MYT1L: variants seen among roughly 807,000 people sequenced by gnomAD.
MYT1L encodes myelin transcription factor 1-like protein.
A neutral mutation model predicts 126.7 loss-of-function variants in MYT1L; 12 were observed. The ratio of observed to expected loss-of-function variants is 0.09; its 90% confidence interval spans 0.06 to 0.15. The LOEUF (loss-of-function observed/expected upper bound fraction) is 0.15. MYT1L is among the 10% of genes least tolerant of loss of function. The pLI is 1.00. For missense variants in MYT1L, 979 were observed against 1,585.2 expected (o/e 0.62, Z 6.49); for synonymous variants, 541 against 604.2 (o/e 0.90, Z 1.53).
intron 2 of MYT1L, among the ~76,000 whole-genome samples, chr2:2,223,121 G>C (rs757498723): frequency 6.6e-6 from 1 of 152,170 alleles, no homozygotes. Context: ...GCTGAGATTC[G>C]AGCCTTGAAT....
At chr2:1,863,898 G>C (rs960149017) in intron 18 of MYT1L, among the ~76,000 whole-genome samples, 2 of 152,198 alleles carry the variant, frequency 1.3e-5, no homozygotes, top group Admixed American at 6.5e-5. Context: ...CTCTCGGGAG[G>C]AGCCTCTAAC....
chr2:2,124,881 G>A (rs751913227), intron 3 of MYT1L, among the ~76,000 whole-genome samples: 31 of 152,136 alleles, frequency 2.0e-4, no homozygotes, highest in Non-Finnish European at 3.1e-4. Flanking sequence ...GACTCAGGTC[G>A]GTGCTGGCCT....
At chr2:2,186,014 C>G (rs1290009108) in intron 2 of MYT1L, among the ~76,000 whole-genome samples, 4 of 125,480 alleles carry the variant, frequency 3.2e-5, no homozygotes, top group African/African-American at 3.5e-5. Flanking sequence ...CGGGCCTTCC[C>G]GAGTCCCGCG....
intron 3 of MYT1L, among the ~76,000 whole-genome samples, chr2:2,087,375 T>G (rs1575079483): frequency 6.6e-6 from 1 of 152,320 alleles, no homozygotes; most frequent in South Asian, 2.1e-4. Context: ...GGGAAATTTC[T>G]TATCACTGGA....
At chr2:2,006,724 C>T (rs2063362313) in intron 4 of MYT1L, among the ~76,000 whole-genome samples, 2 of 152,072 alleles carry the variant, frequency 1.3e-5, no homozygotes, top group South Asian at 2.1e-4. Context: ...TACAAATGCA[C>T]ATCACCATGC....
intron 8 of MYT1L, among the ~76,000 whole-genome samples, chr2:1,956,579 TCTATCTATCTATCTA>T (rs2058472743): frequency 2.0e-5 from 2 of 102,100 alleles, no homozygotes; most frequent in African/African-American, 6.2e-5. Context: ...TCCTATTCTA[TCTATCTATCTATCTA>T]TCTATCTATC....
Position 1,946,971 on chromosome 2 carries a change from G to C in MYT1L, c.153-3637C>G, listed in dbSNP as rs1277061105. On this transcript the variant is annotated intron_variant, in intron 8 of 24. Coordinates refer to ENST00000647738, the MANE Select transcript of MYT1L (RefSeq NM_001303052.2). ...CAGCTGTGCACGGATGGCTCCTCCA[G>C]AGCCTGCCCTTGGTGTCGCGGGTCA... Among the ~76,000 whole-genome samples, 7 of 152,322 alleles carry C rather than the reference G, an allele frequency of 4.6e-5. No homozygotes were observed. The East Asian group carries it at 7.7e-4, about 17-fold the overall frequency.
intron 4 of MYT1L, among the ~76,000 whole-genome samples, chr2:2,022,466 A>C (rs959482471): frequency 6.6e-6 from 1 of 152,190 alleles, no homozygotes; most frequent in Non-Finnish European, 1.5e-5. Context: ...AAAAGGATAC[A>C]CAAATTCTAC....
At position 2,039,222 on chromosome 2, in the gene MYT1L, C is replaced by T. The variant is rs1574740731; in HGVS notation, c.-158+14756G>A. The stretch of plus-strand genomic sequence containing the variant: ...TATTGTGGTATTTGACCCTCACAAT[C>T]TCACAATGACTATTTTATAAACATT... On this transcript the variant is annotated intron_variant, in intron 4 of 24. Coordinates refer to ENST00000647738, the MANE Select transcript of MYT1L (RefSeq NM_001303052.2). Among the ~76,000 whole-genome samples, 3 of 152,132 alleles carry T rather than the reference C, an allele frequency of 2.0e-5. No individual in the cohort carries two copies. The East Asian group carries it at 5.8e-4, about 29-fold the overall frequency.
intron 4 of MYT1L, among the ~76,000 whole-genome samples, chr2:2,031,548 C>G (rs2066257167): frequency 6.8e-6 from 1 of 146,818 alleles, no homozygotes; most frequent in African/African-American, 2.5e-5. Flanking sequence ...TCCTGTGGCC[C>G]AGAGCAGATT....
chr2:1,918,755 G>A (rs988111342), intron 10 of MYT1L, among the ~76,000 whole-genome samples: 6 of 152,112 alleles, frequency 3.9e-5, no homozygotes, highest in African/African-American at 9.7e-5. Flanking sequence ...ACAATCATCC[G>A]TTACTTTCCT....
rs1204902462 is a variant in MYT1L, at chr2:2,118,013, C to T, written c.-304+54859G>A. Among the ~76,000 whole-genome samples the T allele has an allele frequency of 4.0e-5, 6 of 151,406 alleles. No homozygotes were observed. In the South Asian group the frequency reaches 1.0e-3, roughly 26 times the overall value. On this transcript the variant is annotated intron_variant, in intron 3 of 24. Coordinates refer to ENST00000647738, the MANE Select transcript of MYT1L (RefSeq NM_001303052.2). ...ACAAAAACACACATATACTCACATG[C>T]CCACACTATATAATGGATATATTTG...
intron 3 of MYT1L, among the ~76,000 whole-genome samples, chr2:2,169,563 TA>T (rs563128998): frequency 3.8e-4 from 58 of 152,358 alleles, no homozygotes; most frequent in African/African-American, 1.3e-3. Flanking sequence ...GCTGGTGGCA[TA>T]CAGTCCCCTG....
At chr2:2,042,156 T>C (rs368321128) in intron 4 of MYT1L, among the ~76,000 whole-genome samples, 6 of 152,340 alleles carry the variant, frequency 3.9e-5, no homozygotes, top group African/African-American at 1.4e-4. Flanking sequence ...GAACCCCAGA[T>C]GCTCTAAGAT....
At chr2:2,164,666 A>G (rs143779389) in intron 3 of MYT1L, among the ~76,000 whole-genome samples, 197 of 152,346 alleles carry the variant, frequency 1.3e-3, no homozygotes, top group African/African-American at 4.4e-3. Flanking sequence ...AATGAGAAGA[A>G]ATACCATCTG....
intron 3 of MYT1L, among the ~76,000 whole-genome samples, chr2:2,066,725 C>T (rs1277467614): frequency 3.9e-5 from 6 of 152,210 alleles, no homozygotes; most frequent in Non-Finnish European, 1.5e-5. Flanking sequence ...CTGTCCTGTC[C>T]TTGCTATTAC....
chr2:2,000,553 G>A (rs1270752842), intron 4 of MYT1L, among the ~76,000 whole-genome samples: 5 of 152,142 alleles, frequency 3.3e-5, no homozygotes, highest in Admixed American at 6.5e-5. Context: ...CCACAGGGTG[G>A]GTGTGGTGTG....
chr2:1,808,994 G>C lies in MYT1L; in HGVS notation c.3172+82C>G, dbSNP rs542597905. The C allele has an allele frequency of 2.3e-5, 28 of 1,242,986 alleles. No individual in the cohort carries two copies. The African/African-American group carries it at 3.7e-4, about 16-fold the overall frequency. 77.0% of individuals were successfully genotyped at this position (1,242,986 alleles called of 1,614,324 possible). A position where few individuals can be genotyped will look rare whatever the true frequency, so the allele number is the denominator to read the frequency against. ...TTTCTAAGAAAAGTGAGCTGTAACT[G>C]TCAAAGGACACACAGCTGGCATGGC... On this transcript the variant is annotated intron_variant, in intron 22 of 24. Coordinates refer to ENST00000647738, the MANE Select transcript of MYT1L (RefSeq NM_001303052.2).
At chr2:2,198,264 G>T (rs533603617) in intron 2 of MYT1L, among the ~76,000 whole-genome samples, 1 of 152,214 alleles carries the variant, frequency 6.6e-6, no homozygotes, top group South Asian at 2.1e-4. Context: ...AGACTAGGAA[G>T]GGGCAGGGGT....
Sources: gnomAD v4.1 joint callset for allele counts (sites outside exome capture counted in the v4.1 genomes callset) on GRCh38, gnomAD v4.1.1 for gene constraint, MANE v1.5 for transcripts, NCBI Gene and HGNC (gene_info 2026-07-23, HGNC 2026-07-21) for gene names.